Variants in RAB6A observed in about 807,000 individuals in gnomAD.
RAB6A encodes the protein RAB6A, member RAS oncogene family, also known as ras-related protein Rab-6A.
RAB6A carries 8 observed loss-of-function variants against 32.3 expected under a neutral mutation model. The ratio of observed to expected loss-of-function variants is 0.25; its 90% CI spans 0.15 to 0.45. The LOEUF (loss-of-function observed/expected upper bound fraction) is 0.45, where lower values mean the gene tolerates loss of function less well. RAB6A is among the 20% of genes least tolerant of loss of function. The pLI, the probability that RAB6A is intolerant of heterozygous loss-of-function variation, is 1.00. For synonymous variants in RAB6A, 73 were observed against 82.1 expected (o/e 0.89, Z 0.60); for missense variants, 104 against 249.4 (o/e 0.42, Z 3.93).
chr11:73,704,696 T>A (rs766583511), intron 6 of RAB6A, among the ~76,000 whole-genome samples: 1 of 135,544 alleles, frequency 7.4e-6, no homozygotes, highest in Non-Finnish European at 1.6e-5. Context: ...AAAAAATAAA[T>A]AAATAAAAAA....
intron 6 of RAB6A, among the ~76,000 whole-genome samples, chr11:73,697,226 C>T (rs546509156): frequency 6.6e-6 from 1 of 152,284 alleles, no homozygotes; most frequent in Non-Finnish European, 1.5e-5. Flanking sequence ...TCAAATATCA[C>T]CTTATCAGAC....
chr11:73,677,505 T>G lies in RAB6A; in HGVS notation c.*393A>C, dbSNP rs1430706378. ...ATAGGGAATGGGGGTAAGTGAGAGG[T>G]GAGAAAAGCAAGGAGAGATAAAGTA... On this transcript the variant is annotated 3_prime_UTR_variant, in exon 8 of 8. Transcript: ENST00000336083. 2.8e-6 allele frequency: 1 copy of G among 360,606 alleles called. No individual in the cohort carries two copies. Among genetic ancestry groups the G allele is most frequent in the Non-Finnish European group, 5.2e-6 (1 of 190,964 alleles). 22.3% of individuals were successfully genotyped at this position (360,606 alleles called of 1,614,324 possible).
chr11:73,681,062 A>G (rs1159394595), intron 6 of RAB6A, among the ~76,000 whole-genome samples: 1 of 152,218 alleles, frequency 6.6e-6, no homozygotes, highest in Admixed American at 6.5e-5. Flanking sequence ...TTAAGCACAC[A>G]GTGTAAACCC....
At chr11:73,681,625 A>G (rs967893601) in intron 6 of RAB6A, among the ~76,000 whole-genome samples, 1 of 152,194 alleles carries the variant, frequency 6.6e-6, no homozygotes. Context: ...CCTGGCCAAC[A>G]TGGTGAAACC....
At chr11:73,691,427 A>T (rs1178590587) in intron 6 of RAB6A, among the ~76,000 whole-genome samples, 1 of 152,204 alleles carries the variant, frequency 6.6e-6, no homozygotes, top group Admixed American at 6.5e-5. Flanking sequence ...GATCACAGGC[A>T]TGAGCTACCA....
intron 5 of RAB6A, among the ~76,000 whole-genome samples, chr11:73,715,982 A>G (rs1204882310): frequency 6.6e-6 from 1 of 152,244 alleles, no homozygotes. Flanking sequence ...GATCTAAAAA[A>G]AGCAAAATAT....
chr11:73,752,429 C>T (rs1223830445), intron 1 of RAB6A, among the ~76,000 whole-genome samples: 1 of 152,074 alleles, frequency 6.6e-6, no homozygotes, highest in Admixed American at 6.6e-5. Context: ...GCACTCCAGC[C>T]GGGGTGACAG....
intron 6 of RAB6A, among the ~76,000 whole-genome samples, chr11:73,698,116 T>A (rs781743369): frequency 6.6e-6 from 1 of 151,974 alleles, no homozygotes; most frequent in Non-Finnish European, 1.5e-5. Context: ...AGCTATTCAG[T>A]AGGCTGAGGT....
At chr11:73,736,157 G>A (rs1283437267) in intron 1 of RAB6A, among the ~76,000 whole-genome samples, 2 of 152,004 alleles carry the variant, frequency 1.3e-5, no homozygotes, top group Admixed American at 6.6e-5. Context: ...GGCCAGGTGC[G>A]GTGGCTCATG....
At chr11:73,739,284 A>AAAAAAATATATATATATAT (rs1208877325) in intron 1 of RAB6A, among the ~76,000 whole-genome samples, 1 of 6,758 alleles carries the variant, frequency 1.5e-4, no homozygotes, top group Non-Finnish European at 3.4e-4. Flanking sequence ...AAAAAAAAAA[A>AAAAAAATATATATATATAT]ATATATATAT....
At chr11:73,692,286 T>TTG (rs1945578991) in intron 6 of RAB6A, among the ~76,000 whole-genome samples, 1 of 150,200 alleles carries the variant, frequency 6.7e-6, no homozygotes. Flanking sequence ...GGGCGGATCA[T>TTG]GAGGTCAGGA....
Position 73,716,394 on chromosome 11 carries a change from GT to G in RAB6A, c.290-33del, listed in dbSNP as rs375174979. On this transcript the variant is annotated intron_variant, in intron 4 of 7. Coordinates refer to ENST00000336083, the MANE Select transcript of RAB6A (RefSeq NM_198896.2). ...TAGGAGGGTAGACAGAGAGATTAGT[GT>G]TGCTGAAAAATGCCTCCCCAGGTGG... 1.7e-4 allele frequency: 259 copies of G among 1,550,518 alleles called. 2 individuals carry two copies. In the East Asian group the frequency reaches 4.9e-3, roughly 29 times the overall value.
At chr11:73,757,099 AT>A (rs1946763411) in intron 1 of RAB6A, among the ~76,000 whole-genome samples, 1 of 20,328 alleles carries the variant, frequency 4.9e-5, no homozygotes, top group African/African-American at 1.9e-4. Flanking sequence ...ATATACATAC[AT>A]ATATATATAT....
intron 6 of RAB6A, among the ~76,000 whole-genome samples, chr11:73,705,302 C>T (rs190801700): frequency 1.3e-5 from 2 of 152,262 alleles, no homozygotes; most frequent in African/African-American, 4.8e-5. Flanking sequence ...AATTCCAGCA[C>T]TCTGGGAGAC....
intron 2 of RAB6A, among the ~76,000 whole-genome samples, chr11:73,725,291 T>G (rs1420297500): frequency 6.6e-6 from 1 of 152,236 alleles, no homozygotes; most frequent in African/African-American, 2.4e-5. Flanking sequence ...CTTGGTAAAC[T>G]GATAACCTAG....
At chr11:73,750,141 T>C (rs1267608404) in intron 1 of RAB6A, among the ~76,000 whole-genome samples, 2 of 152,146 alleles carry the variant, frequency 1.3e-5, no homozygotes, top group Non-Finnish European at 2.9e-5. Flanking sequence ...ACAAGAGAGT[T>C]TGGATTTCAT....
intron 5 of RAB6A, among the ~76,000 whole-genome samples, chr11:73,715,520 A>G (rs1033463215): frequency 6.6e-6 from 1 of 152,226 alleles, no homozygotes; most frequent in Non-Finnish European, 1.5e-5. Flanking sequence ...ACTTGAATTA[A>G]TATCACAAGT....
intron 5 of RAB6A, among the ~76,000 whole-genome samples, chr11:73,710,420 C>T (rs1945938101): frequency 6.6e-6 from 1 of 151,912 alleles, no homozygotes; most frequent in South Asian, 2.1e-4. Flanking sequence ...TATCCAACAT[C>T]ATCACCAACA....
intron 4 of RAB6A, 25 bp downstream of exon 4, chr11:73,718,588 G>C: frequency 6.4e-7 from 1 of 1,565,336 alleles, no homozygotes; most frequent in African/African-American, 1.4e-5. Context: ...AAGAAGATTA[G>C]AAATGCATAA....
Sources: allele counts gnomAD v4.1 joint callset (sites outside exome capture counted in the v4.1 genomes callset), GRCh38; gene constraint gnomAD v4.1.1; transcripts MANE v1.5; gene names NCBI Gene and HGNC (gene_info 2026-07-23, HGNC 2026-07-21).